Variants in KLHL32 observed in about 807,000 individuals in gnomAD.
The protein encoded by KLHL32 is kelch like family member 32, also known as kelch-like protein 32.
Under a neutral mutation model 64.8 loss-of-function variants are expected in KLHL32, and 35 were observed. The observed-to-expected ratio is 0.54, with a 90% CI of 0.41 to 0.72. KLHL32 has a LOEUF of 0.72. Ranked by LOEUF, KLHL32 falls within the 30% of genes least tolerant of loss-of-function variation. The pLI is 0.00. For missense variants in KLHL32, 589 were observed against 768.5 expected (o/e 0.77, Z 2.76); for synonymous variants, 259 against 281.0 (o/e 0.92, Z 0.78).
chr6:97,041,734 T>G (rs984790610), intron 4 of KLHL32, 135 bp downstream of exon 4: 5 of 567,272 alleles, frequency 8.8e-6, no homozygotes, highest in Non-Finnish European at 1.5e-5. Context: ...TCACATCCTC[T>G]TAATTTTATG....
At chr6:97,047,146 A>C (rs1238625553) in intron 4 of KLHL32, among the ~76,000 whole-genome samples, 1 of 152,244 alleles carries the variant, frequency 6.6e-6, no homozygotes, top group Non-Finnish European at 1.5e-5. Flanking sequence ...GATTTCATCC[A>C]GGAAATTTTA....
intron 1 of KLHL32, among the ~76,000 whole-genome samples, chr6:96,953,855 T>C (rs1582461309): frequency 5.3e-5 from 2 of 37,750 alleles, no homozygotes; most frequent in African/African-American, 3.0e-4. Context: ...AATAGTTGTC[T>C]TTTTTTTTTT....
intron 3 of KLHL32, among the ~76,000 whole-genome samples, chr6:97,004,011 G>T (rs549741945): frequency 6.6e-6 from 1 of 152,146 alleles, no homozygotes; most frequent in Non-Finnish European, 1.5e-5. Context: ...TTCTAATTCT[G>T]TGAAGAATGC....
chr6:96,907,328 A>T, the KLHL32 span, among the ~76,000 whole-genome samples: 261 of 152,284 alleles, frequency 1.7e-3, no homozygotes, highest in African/African-American at 4.1e-3. Flanking sequence ...CATTATTTTT[A>T]AAAAATCCTT....
intron 3 of KLHL32, among the ~76,000 whole-genome samples, chr6:97,018,783 A>G (rs1404278301): frequency 6.6e-6 from 1 of 152,218 alleles, no homozygotes; most frequent in Non-Finnish European, 1.5e-5. Context: ...CAAAGTAACA[A>G]TCTATCAGAT....
the KLHL32 span, among the ~76,000 whole-genome samples, chr6:96,910,590 C>T: frequency 2.3e-4 from 35 of 152,136 alleles, no homozygotes; most frequent in Non-Finnish European, 4.6e-4. Flanking sequence ...AATTTGCAAA[C>T]TGTAAATGCT....
At chr6:97,044,651 G>T (rs1236863001) in intron 4 of KLHL32, among the ~76,000 whole-genome samples, 1 of 151,896 alleles carries the variant, frequency 6.6e-6, no homozygotes, top group Non-Finnish European at 1.5e-5. Context: ...TCTTTAATGG[G>T]AGATATTTTT....
chr6:97,099,613 G>A (rs541818759), intron 6 of KLHL32, among the ~76,000 whole-genome samples: 2 of 152,110 alleles, frequency 1.3e-5, no homozygotes, highest in African/African-American at 2.4e-5. Context: ...CTATCAGGCG[G>A]CTGGTTCTCC....
chr6:96,955,296 T>C (rs891593168), intron 1 of KLHL32, among the ~76,000 whole-genome samples: 5 of 152,228 alleles, frequency 3.3e-5, no homozygotes, highest in Non-Finnish European at 7.3e-5. Flanking sequence ...TTGAGTTTTT[T>C]CTTTGAATTG....
At chr6:97,100,375 C>T (rs534169360) in intron 6 of KLHL32, among the ~76,000 whole-genome samples, 4 of 152,254 alleles carry the variant, frequency 2.6e-5, no homozygotes, top group African/African-American at 9.6e-5. Flanking sequence ...AGCTCACTGA[C>T]AGTGTAGACC....
intron 1 of KLHL32, among the ~76,000 whole-genome samples, chr6:96,935,074 A>G (rs1196268594): frequency 6.6e-6 from 1 of 151,946 alleles, no homozygotes; most frequent in Non-Finnish European, 1.5e-5. Flanking sequence ...GACAACTTGG[A>G]AGGCATAAAT....
At chr6:96,914,165 C>T in the KLHL32 span, among the ~76,000 whole-genome samples, 6 of 152,172 alleles carry the variant, frequency 3.9e-5, no homozygotes, top group Admixed American at 3.9e-4. Context: ...GAAACAGTGT[C>T]ACTAGAGCCA....
chr6:97,128,050 G>C (rs1000699818), intron 8 of KLHL32, among the ~76,000 whole-genome samples: 3 of 152,048 alleles, frequency 2.0e-5, no homozygotes, highest in Non-Finnish European at 4.4e-5. Flanking sequence ...ATGAACCTTG[G>C]CAATTGCCTG....
intron 1 of KLHL32, among the ~76,000 whole-genome samples, chr6:96,928,836 G>A (rs1055125272): frequency 5.3e-5 from 8 of 151,950 alleles, no homozygotes; most frequent in Non-Finnish European, 1.2e-4. Flanking sequence ...AGACTTGGAG[G>A]CTAAGGAGGC....
At chr6:96,910,038 G>A in the KLHL32 span, among the ~76,000 whole-genome samples, 7 of 152,326 alleles carry the variant, frequency 4.6e-5, no homozygotes, top group Middle Eastern at 6.8e-3. Context: ...TTTTGGAGGT[G>A]AGCCAGATTA....
At chr6:96,911,821 C>CTTTTTTTTTT in the KLHL32 span, among the ~76,000 whole-genome samples, 5 of 53,520 alleles carry the variant, frequency 9.3e-5, no homozygotes, top group Admixed American at 2.1e-4. Flanking sequence ...CTGCTCGGTC[C>CTTTTTTTTTT]TTCTTTTTTT....
intron 5 of KLHL32, among the ~76,000 whole-genome samples, chr6:97,083,338 T>A (rs1056417263): frequency 1.3e-5 from 2 of 151,034 alleles, no homozygotes; most frequent in African/African-American, 4.9e-5. Context: ...TGCAGTGAGC[T>A]GAGATCGCAC....
intron 7 of KLHL32, among the ~76,000 whole-genome samples, chr6:97,121,251 C>A (rs1216210785): frequency 6.6e-6 from 1 of 152,114 alleles, no homozygotes; most frequent in Non-Finnish European, 1.5e-5. Context: ...CTTTTCCCAC[C>A]AAACCACACA....
chr6:96,905,629 T>C, the KLHL32 span, among the ~76,000 whole-genome samples: 2 of 152,236 alleles, frequency 1.3e-5, no homozygotes, highest in Admixed American at 1.3e-4. Flanking sequence ...CATAGGGTTG[T>C]TGTGAGATAT....
Sources: allele counts gnomAD v4.1 joint callset (sites outside exome capture counted in the v4.1 genomes callset), GRCh38; gene constraint gnomAD v4.1.1; transcripts MANE v1.5; gene names NCBI Gene and HGNC (gene_info 2026-07-23, HGNC 2026-07-21).